FAM135A: variants seen among roughly 807,000 people sequenced by gnomAD.
FAM135A encodes protein FAM135A.
FAM135A carries 79 observed loss-of-function variants against 146.8 expected under a neutral mutation model. The observed-to-expected ratio is 0.54, with a 90% CI of 0.45 to 0.65. The LOEUF (loss-of-function observed/expected upper bound fraction) is 0.65, where lower values mean the gene tolerates loss of function less well. FAM135A is among the 30% of genes least tolerant of loss of function. The pLI, the probability that FAM135A is intolerant of heterozygous loss-of-function variation, is 0.00. For synonymous variants in FAM135A, 562 were observed against 603.6 expected, an observed-to-expected ratio of 0.93 and a Z score of 1.01; for missense variants, 1,623 against 1,758.2, an observed-to-expected ratio of 0.92 and a Z score of 1.38.
At chr6:70,488,038 G>A (rs570571687) in intron 10 of FAM135A, among the ~76,000 whole-genome samples, 16 of 152,226 alleles carry the variant, frequency 1.1e-4, no homozygotes, top group African/African-American at 3.4e-4. Context: ...GAAAATAAAT[G>A]TTAGATACAT....
chr6:70,529,566 G>A (rs1324415591), intron 16 of FAM135A, among the ~76,000 whole-genome samples: 2 of 151,804 alleles, frequency 1.3e-5, no homozygotes, highest in Non-Finnish European at 2.9e-5. Flanking sequence ...CCCAGAATCT[G>A]CCAGAATCTC....
chr6:70,555,524 A>AT (rs1297618963), intron 20 of FAM135A, among the ~76,000 whole-genome samples: 1 of 152,114 alleles, frequency 6.6e-6, no homozygotes. Flanking sequence ...AAGTTCTGAG[A>AT]TTACAGGCAT....
intron 21 of FAM135A, among the ~76,000 whole-genome samples, chr6:70,557,915 T>G (rs1248525192): frequency 6.6e-6 from 1 of 152,126 alleles, no homozygotes; most frequent in Non-Finnish European, 1.5e-5. Context: ...TGTACATTTG[T>G]GACATCAAAA....
intron 3 of FAM135A, among the ~76,000 whole-genome samples, chr6:70,427,570 A>G (rs553179239): frequency 1.7e-4 from 26 of 152,206 alleles, no homozygotes; most frequent in African/African-American, 5.5e-4. Flanking sequence ...GTAAAACTAC[A>G]TTATTGACAT....
intron 19 of FAM135A, among the ~76,000 whole-genome samples, chr6:70,537,778 A>T (rs562197018): frequency 6.6e-6 from 1 of 152,226 alleles, no homozygotes; most frequent in Non-Finnish European, 1.5e-5. Context: ...TACTGATAAT[A>T]TAAAAAAATA....
chr6:70,414,296 T>A (rs1438072271), intron 1 of FAM135A, among the ~76,000 whole-genome samples: 3 of 152,214 alleles, frequency 2.0e-5, no homozygotes, highest in Non-Finnish European at 2.9e-5. Flanking sequence ...CCTGGTTCCC[T>A]TTTTGTTAGT....
intron 11 of FAM135A, among the ~76,000 whole-genome samples, chr6:70,493,403 G>T (rs993710126): frequency 2.6e-5 from 4 of 152,066 alleles, no homozygotes; most frequent in Non-Finnish European, 5.9e-5. Context: ...TATATTAAAT[G>T]TTTAAAAATA....
chr6:70,471,585 G>A (rs1374487139), intron 5 of FAM135A, among the ~76,000 whole-genome samples: 1 of 143,068 alleles, frequency 7.0e-6, no homozygotes, highest in Non-Finnish European at 1.5e-5. Context: ...GGAGGAGGGA[G>A]AGGATCAATC....
chr6:70,530,492 C>T (rs531276004), intron 16 of FAM135A, among the ~76,000 whole-genome samples: 3 of 152,168 alleles, frequency 2.0e-5, no homozygotes, highest in Admixed American at 6.5e-5. Context: ...CAGTTTATAA[C>T]GACATGCTTA....
chr6:70,443,313 A>G (rs1774978118), intron 4 of FAM135A, among the ~76,000 whole-genome samples: 1 of 150,992 alleles, frequency 6.6e-6, no homozygotes, highest in Non-Finnish European at 1.5e-5. Flanking sequence ...TCGTGATGGT[A>G]GTAGCTTTGG....
intron 5 of FAM135A, among the ~76,000 whole-genome samples, chr6:70,455,153 T>C (rs1428942536): frequency 1.3e-5 from 2 of 152,148 alleles, no homozygotes; most frequent in African/African-American, 4.8e-5. Context: ...ACATCCCTTG[T>C]AAGTTGGATT....
intron 11 of FAM135A, among the ~76,000 whole-genome samples, chr6:70,492,259 A>G (rs536381463): frequency 2.3e-3 from 351 of 151,976 alleles, no homozygotes; most frequent in Non-Finnish European, 3.6e-3. Context: ...TAAGTATATG[A>G]TAAAATATTA....
intron 10 of FAM135A, 152 bp downstream of exon 10, chr6:70,482,306 G>A (rs1783879257): frequency 1.4e-6 from 1 of 726,514 alleles, no homozygotes; most frequent in Non-Finnish European, 2.0e-6. Flanking sequence ...TTTCTACCTT[G>A]ATAATCACTT....
intron 20 of FAM135A, among the ~76,000 whole-genome samples, chr6:70,548,045 C>A (rs1432456560): frequency 1.3e-5 from 2 of 152,088 alleles, no homozygotes; most frequent in African/African-American, 4.8e-5. Flanking sequence ...ATATTAGCTC[C>A]CAAAATAGAC....
intron 20 of FAM135A, among the ~76,000 whole-genome samples, chr6:70,540,070 C>T (rs532232293): frequency 8.5e-5 from 13 of 152,250 alleles, no homozygotes; most frequent in African/African-American, 3.1e-4. Flanking sequence ...TGGGTCTTAA[C>T]GTACTTAGAT....
At chr6:70,482,821 ATAAGT>A (rs1285864375) in intron 10 of FAM135A, among the ~76,000 whole-genome samples, 5 of 152,110 alleles carry the variant, frequency 3.3e-5, no homozygotes, top group Non-Finnish European at 7.4e-5. Flanking sequence ...GATTGGCAAA[ATAAGT>A]TCTTATTCAG....
chr6:70,452,346 T>C, intron 4 of FAM135A, 146 bp from the exon 5 acceptor site: 1 of 609,176 alleles, frequency 1.6e-6, no homozygotes, highest in Non-Finnish European at 2.8e-6. Flanking sequence ...AGCCTGATTT[T>C]TTTTTTCCAA....
intron 3 of FAM135A, among the ~76,000 whole-genome samples, chr6:70,427,898 AGT>A (rs1181745796): frequency 2.6e-5 from 4 of 152,144 alleles, no homozygotes; most frequent in Non-Finnish European, 5.9e-5. Flanking sequence ...GGGATTGAAG[AGT>A]GTTAATTTTT....
At chr6:70,464,658 C>CTAT (rs1780034600) in intron 5 of FAM135A, among the ~76,000 whole-genome samples, 1 of 100,454 alleles carries the variant, frequency 1.0e-5, no homozygotes, top group African/African-American at 3.8e-5. Context: ...TTCTTTCTTT[C>CTAT]TTTTTTTTCT....
Sources: allele counts gnomAD v4.1 joint callset (sites outside exome capture counted in the v4.1 genomes callset), GRCh38; gene constraint gnomAD v4.1.1; transcripts MANE v1.5; gene names NCBI Gene and HGNC (gene_info 2026-07-23, HGNC 2026-07-21).